Variants in SUPT3H observed in about 807,000 individuals in gnomAD.
SUPT3H encodes the protein SPT3 homolog, SAGA and STAGA complex component, also known as transcription initiation protein SPT3 homolog.
In SUPT3H, 44 loss-of-function variants were observed where a neutral mutation model predicts 44.3. The ratio of observed to expected loss-of-function variants is 0.99; its 90% CI spans 0.78 to 1.28. The LOEUF (loss-of-function observed/expected upper bound fraction) is 1.28, where lower values mean the gene tolerates loss of function less well. Among genes scored for constraint, SUPT3H ranks in the 50% most tolerant of loss-of-function variants. SUPT3H has a pLI of 0.00. For synonymous variants in SUPT3H, 124 were observed against 125.6 expected (o/e 0.99, Z 0.09); for missense variants, 380 against 387.1 (o/e 0.98, Z 0.15).
intron 11 of SUPT3H, among the ~76,000 whole-genome samples, chr6:44,816,208 G>T (rs566931579): frequency 6.6e-6 from 1 of 152,182 alleles, no homozygotes; most frequent in South Asian, 2.1e-4. Flanking sequence ...AAAGGTTGTG[G>T]GATATAGCTA....
intron 3 of SUPT3H, among the ~76,000 whole-genome samples, chr6:45,030,291 A>C (rs1312341254): frequency 6.6e-6 from 1 of 152,114 alleles, no homozygotes; most frequent in African/African-American, 2.4e-5. Context: ...GAACCATAAG[A>C]TATTTTGGTT....
In SUPT3H at chr6:45,130,712, CTTTTTTT is replaced by C. The variant is rs1194423160; in HGVS notation, c.102-24713_102-24707del. On this transcript the variant is annotated intron_variant, in intron 2 of 10. Coordinates refer to ENST00000371459, the MANE Select transcript of SUPT3H (RefSeq NM_003599.4). ...AAAAAAAAAACAAAAAAAAAAACCACTTTTTTTTTTTTTTTTTTTTTTCAGATGGAGT... is the reference window on the plus strand; with the variant it reads ...AAAAAAAAAACAAAAAAAAAAACCACTTTTTTTTTTTTTTTCAGATGGAGT... Among the ~76,000 whole-genome samples the C allele has an allele frequency of 5.3e-4, 47 of 88,602 alleles. 1 individual carries two copies. The highest frequency in any genetic ancestry group is 8.2e-4 in the Non-Finnish European group (38 of 46,430). The allele number at this position is 88,602 out of a possible 152,430, so 58.1% of individuals were successfully genotyped here.
At chr6:44,901,842 A>C (rs1393763252) in intron 10 of SUPT3H, among the ~76,000 whole-genome samples, 2 of 152,238 alleles carry the variant, frequency 1.3e-5, no homozygotes, top group Non-Finnish European at 2.9e-5. Context: ...AAACTCTACA[A>C]GCCAGAAGAG....
At chr6:45,309,109 T>G (rs112497613) in intron 2 of SUPT3H, among the ~76,000 whole-genome samples, 28 of 151,162 alleles carry the variant, frequency 1.9e-4, no homozygotes, top group African/African-American at 6.3e-4. Flanking sequence ...GAAAGGATTA[T>G]GATAACACTG....
At chr6:44,903,612 G>A (rs1186689179) in intron 10 of SUPT3H, among the ~76,000 whole-genome samples, 1 of 152,124 alleles carries the variant, frequency 6.6e-6, no homozygotes, top group African/African-American at 2.4e-5. Context: ...ACAAGTAGGA[G>A]CTGCTACCAT....
intron 2 of SUPT3H, among the ~76,000 whole-genome samples, chr6:45,320,084 C>T (rs1333685970): frequency 2.6e-5 from 4 of 151,898 alleles, no homozygotes; most frequent in African/African-American, 7.3e-5. Flanking sequence ...TGACTCAATT[C>T]AAGAGATGGT....
intron 10 of SUPT3H, among the ~76,000 whole-genome samples, chr6:44,843,648 A>C (rs1242778268): frequency 6.6e-6 from 1 of 152,120 alleles, no homozygotes; most frequent in African/African-American, 2.4e-5. Flanking sequence ...ACATAATATT[A>C]ATTAGGGGAC....
chr6:44,904,037 A>T (rs1442158095), intron 10 of SUPT3H, among the ~76,000 whole-genome samples: 2 of 152,194 alleles, frequency 1.3e-5, no homozygotes. Flanking sequence ...ATCTCAAAAT[A>T]ATAAGAGCTA....
chr6:44,961,956 C>T (rs1339790821), intron 6 of SUPT3H, 128 bp from the exon 7 acceptor site: 1 of 596,340 alleles, frequency 1.7e-6, no homozygotes. Context: ...AGTACTACCA[C>T]ATAGATCACG....
At chr6:45,091,655 G>A (rs1797135497) in intron 3 of SUPT3H, among the ~76,000 whole-genome samples, 1 of 152,028 alleles carries the variant, frequency 6.6e-6, no homozygotes, top group Non-Finnish European at 1.5e-5. Context: ...AGGTTTACTG[G>A]AAGTATTTAG....
At chr6:45,290,456 C>T (rs4307170) in intron 2 of SUPT3H, among the ~76,000 whole-genome samples, 27,062 of 141,914 alleles carry the variant, frequency 0.19, 4,447 homozygotes, top group African/African-American at 0.42. Context: ...CATGGATGAT[C>T]AAAAAAAAAA....
chr6:45,060,582 A>G (rs1791835769), intron 3 of SUPT3H, among the ~76,000 whole-genome samples: 1 of 152,180 alleles, frequency 6.6e-6, no homozygotes, highest in African/African-American at 2.4e-5. Context: ...CAAAAGCCAA[A>G]ATTGACAAAT....
chr6:45,336,964 AC>A (rs1788691114), intron 2 of SUPT3H, among the ~76,000 whole-genome samples: 1 of 151,706 alleles, frequency 6.6e-6, no homozygotes, highest in Non-Finnish European at 1.5e-5. Context: ...ATTTTTTGAA[AC>A]TTGCTGTGAA....
chr6:44,826,024 T>C (rs1767721402), downstream of SUPT3H, among the ~76,000 whole-genome samples: 1 of 152,242 alleles, frequency 6.6e-6, no homozygotes, highest in East Asian at 1.9e-4. Flanking sequence ...ATTTACTATC[T>C]ATCTTGCTCT....
intron 11 of SUPT3H, among the ~76,000 whole-genome samples, chr6:44,810,802 AG>A (rs980429100): frequency 1.1e-4 from 16 of 152,022 alleles, no homozygotes; most frequent in African/African-American, 3.6e-4. Flanking sequence ...GCTACTTGGG[AG>A]GCTGAGGCAA....
chr6:44,943,175 T>A (rs1298385284), intron 9 of SUPT3H, among the ~76,000 whole-genome samples: 1 of 150,042 alleles, frequency 6.7e-6, no homozygotes, highest in Non-Finnish European at 1.5e-5. Context: ...TAATGATAGA[T>A]AAATGGAAAC....
At chr6:44,846,252 T>A (rs1450123022) in intron 10 of SUPT3H, among the ~76,000 whole-genome samples, 1 of 152,230 alleles carries the variant, frequency 6.6e-6, no homozygotes, top group Admixed American at 6.5e-5. Context: ...GCTCTGTAAC[T>A]TTAGGCTTGT....
chr6:45,006,967 A>G (rs1782804387), intron 5 of SUPT3H, among the ~76,000 whole-genome samples: 1 of 152,044 alleles, frequency 6.6e-6, no homozygotes, highest in Non-Finnish European at 1.5e-5. Flanking sequence ...TCTATGGATG[A>G]TTTACTTTCT....
intron 7 of SUPT3H, among the ~76,000 whole-genome samples, chr6:44,961,333 T>C (rs771511536): frequency 2.6e-5 from 4 of 152,154 alleles, no homozygotes; most frequent in East Asian, 1.9e-4. Context: ...GTAATGAGTA[T>C]ACATAAAGGA....
Sources: gnomAD v4.1 joint callset for allele counts (sites outside exome capture counted in the v4.1 genomes callset) on GRCh38, gnomAD v4.1.1 for gene constraint, MANE v1.5 for transcripts, NCBI Gene and HGNC (gene_info 2026-07-23, HGNC 2026-07-21) for gene names.